The following NPSR1 variants were observed in gnomAD, a reference collection of about 807,000 sequenced individuals.
NPSR1 encodes the protein neuropeptide S receptor.
Under a neutral mutation model 46.9 loss-of-function variants are expected in NPSR1, and 48 were observed. The ratio of observed to expected loss-of-function variants is 1.02; its 90% CI spans 0.81 to 1.30. NPSR1 has a LOEUF of 1.30. NPSR1 is among the 50% of genes most tolerant of loss of function. The pLI is 0.00. For missense variants in NPSR1, 450 were observed against 449.5 expected (o/e 1.00, Z -0.01); for synonymous variants, 176 against 168.1 (o/e 1.05, Z -0.36).
At chr7:34,813,422 T>A (rs552638180) in intron 4 of NPSR1, among the ~76,000 whole-genome samples, 1 of 152,334 alleles carries the variant, frequency 6.6e-6, no homozygotes, top group Non-Finnish European at 1.5e-5. Context: ...GAACAGGATT[T>A]GAACCCACAC....
rs1368795637 is a variant in NPSR1, at chr7:34,844,041, A to G, written c.758-855A>G. ...TTCCAAAACTTCACAAAGGTGGCATATGGGCTGGTGGAAGCCCTGACAGTA... is the reference window on the plus strand; with the variant it reads ...TTCCAAAACTTCACAAAGGTGGCATGTGGGCTGGTGGAAGCCCTGACAGTA... On this transcript the variant is annotated intron_variant, in intron 6 of 8. Coordinates refer to ENST00000360581, the MANE Select transcript of NPSR1 (RefSeq NM_207172.2). Among the ~76,000 whole-genome samples the G allele has an allele frequency of 2.6e-5, 4 of 152,362 alleles. No individual in the cohort carries two copies. The East Asian group carries it at 5.8e-4, about 22-fold the overall frequency.
At chr7:34,817,629 A>G (rs1247498698) in intron 4 of NPSR1, among the ~76,000 whole-genome samples, 1 of 141,606 alleles carries the variant, frequency 7.1e-6, no homozygotes, top group African/African-American at 2.7e-5. Context: ...AGAGAATTTT[A>G]GACCAATATC....
chr7:34,722,114 A>T (rs1215564157), intron 2 of NPSR1, among the ~76,000 whole-genome samples: 1 of 152,180 alleles, frequency 6.6e-6, no homozygotes, highest in Non-Finnish European at 1.5e-5. Context: ...GTAAAAAAAA[A>T]TTCCCAATGA....
intron 2 of NPSR1, among the ~76,000 whole-genome samples, chr7:34,713,828 G>A (rs1008592210): frequency 6.6e-6 from 1 of 152,208 alleles, no homozygotes; most frequent in African/African-American, 2.4e-5. Flanking sequence ...TCAAGAAACA[G>A]GATCTCAAAG....
intron 6 of NPSR1, 63 bp from the exon 7 acceptor site, chr7:34,844,833 G>A (rs1790688949): frequency 9.7e-7 from 1 of 1,031,244 alleles, no homozygotes; most frequent in South Asian, 1.3e-5. Flanking sequence ...GTTCCTATTG[G>A]CTGAAACAGA....
chr7:34,823,619 A>G (rs1789678622), intron 4 of NPSR1, among the ~76,000 whole-genome samples: 1 of 152,046 alleles, frequency 6.6e-6, no homozygotes, highest in Non-Finnish European at 1.5e-5. Context: ...GGCACTTTTG[A>G]GGGAAATGTA....
chr7:34,694,097 G>C (rs1158609122), intron 2 of NPSR1, among the ~76,000 whole-genome samples: 2 of 152,082 alleles, frequency 1.3e-5, no homozygotes, highest in African/African-American at 4.8e-5. Context: ...AACACAATGA[G>C]GATGTCCACA....
At chr7:34,794,272 C>T (rs536232159) in intron 3 of NPSR1, among the ~76,000 whole-genome samples, 28 of 152,186 alleles carry the variant, frequency 1.8e-4, no homozygotes, top group Non-Finnish European at 3.1e-4. Context: ...GATGGATATT[C>T]TAATTACCCT....
At chr7:34,836,913 A>T (rs1790397422) in intron 6 of NPSR1, among the ~76,000 whole-genome samples, 1 of 152,242 alleles carries the variant, frequency 6.6e-6, no homozygotes, top group African/African-American at 2.4e-5. Context: ...TAGAGAGTGT[A>T]CTTATTGCCA....
chr7:34,849,471 T>G, intron 8 of NPSR1, 94 bp from the exon 9 acceptor site: 3 of 1,604,248 alleles, frequency 1.9e-6, no homozygotes, highest in African/African-American at 2.7e-5. Flanking sequence ...TGACATTTAA[T>G]ACATTTTTCA....
intron 1 of NPSR1, among the ~76,000 whole-genome samples, chr7:34,665,248 C>G (rs9792042): frequency 0.17 from 25,609 of 152,190 alleles, 3,045 homozygotes; most frequent in African/African-American, 0.33. Flanking sequence ...CCTCATATCA[C>G]AGTAGCAAAC....
chr7:34,764,508 T>C (rs13224885), intron 2 of NPSR1, among the ~76,000 whole-genome samples: 17,464 of 152,206 alleles, frequency 0.11, 1,165 homozygotes, highest in Middle Eastern at 0.17. Context: ...CAATGGCAGA[T>C]TTGAGTAGCT....
At chr7:34,738,442 C>T (rs1784785464) in intron 2 of NPSR1, among the ~76,000 whole-genome samples, 1 of 152,090 alleles carries the variant, frequency 6.6e-6, no homozygotes, top group Non-Finnish European at 1.5e-5. Context: ...GGAATGTGTG[C>T]ATTTTATTAA....
intron 1 of NPSR1, among the ~76,000 whole-genome samples, chr7:34,663,094 G>GA (rs1562634815): frequency 8.6e-6 from 1 of 115,656 alleles, no homozygotes; most frequent in Non-Finnish European, 1.8e-5. Flanking sequence ...TGTGTGTGTG[G>GA]CGGGGGGGAG....
At chr7:34,804,242 A>T (rs1170503536) in intron 3 of NPSR1, among the ~76,000 whole-genome samples, 2 of 152,130 alleles carry the variant, frequency 1.3e-5, no homozygotes, top group Non-Finnish European at 2.9e-5. Flanking sequence ...CCTCATGAAC[A>T]TAAATGCAAA....
intron 2 of NPSR1, among the ~76,000 whole-genome samples, chr7:34,764,442 T>C (rs772644271): frequency 3.3e-5 from 5 of 152,342 alleles, no homozygotes; most frequent in African/African-American, 4.8e-5. Context: ...AAAGTTTTAT[T>C]GGATTACAGC....
At chr7:34,751,580 G>A in intron 2 of NPSR1, 5 of 1,600,498 alleles carry the variant, frequency 3.1e-6, no homozygotes, top group Non-Finnish European at 4.3e-6. Flanking sequence ...TTGTGCTCCT[G>A]TTCTTCCCGG....
chr7:34,830,865 C>A (rs1790083933), intron 5 of NPSR1, among the ~76,000 whole-genome samples: 1 of 152,128 alleles, frequency 6.6e-6, no homozygotes, highest in African/African-American at 2.4e-5. Context: ...GATGCCTCAC[C>A]TGCACTCCCA....
At chr7:34,790,700 G>A (rs1317794641) in intron 3 of NPSR1, among the ~76,000 whole-genome samples, 3 of 131,752 alleles carry the variant, frequency 2.3e-5, no homozygotes, top group African/African-American at 8.2e-5. Context: ...TATAATATAT[G>A]TTCTATGTTA....
Sources: allele counts gnomAD v4.1 joint callset (sites outside exome capture counted in the v4.1 genomes callset), GRCh38; gene constraint gnomAD v4.1.1; transcripts MANE v1.5; gene names NCBI Gene and HGNC (gene_info 2026-07-23, HGNC 2026-07-21).